Variants in COIL observed in about 807,000 individuals in gnomAD.
The protein encoded by COIL is coilin p80.
COIL carries 28 observed loss-of-function variants against 51.6 expected under a neutral mutation model. That is an observed-to-expected ratio of 0.54 (90% CI 0.40 to 0.74). The LOEUF (loss-of-function observed/expected upper bound fraction) is 0.74. COIL is among the 30% of genes least tolerant of loss of function. The pLI, the probability that COIL is intolerant of heterozygous loss-of-function variation, is 0.00. For synonymous variants in COIL, 233 were observed against 255.8 expected (o/e 0.91, Z 0.85); for missense variants, 667 against 685.9 (o/e 0.97, Z 0.31).
intron 1 of COIL, among the ~76,000 whole-genome samples, chr17:56,960,537 T>A (rs76073072): frequency 0.7 from 104,591 of 149,360 alleles, 37,457 homozygotes; most frequent in African/African-American, 0.86. Context: ...AAAAAAAAAA[T>A]AATAATAAAA....
At chr17:56,940,469 T>C (rs892123434) in intron 6 of COIL, among the ~76,000 whole-genome samples, 2 of 152,072 alleles carry the variant, frequency 1.3e-5, no homozygotes, top group Admixed American at 1.3e-4. Context: ...GAGAAAAGCC[T>C]CCAAGGTTTA....
chr17:56,945,499 C>T (rs1038248276), intron 5 of COIL, among the ~76,000 whole-genome samples: 8 of 152,142 alleles, frequency 5.3e-5, no homozygotes, highest in Non-Finnish European at 1.2e-4. Flanking sequence ...TGGGGTTCAT[C>T]AGAGATAAAT....
In COIL at chr17:56,938,806, T is replaced by C. The variant is rs1910090011; in HGVS notation, c.*265A>G. 1 of 278,482 alleles carries C rather than the reference T, an allele frequency of 3.6e-6. No homozygotes were observed. Among genetic ancestry groups the C allele is most frequent in the South Asian group, 9.7e-5 (1 of 10,330 alleles). The allele number at this position is 278,482 out of a possible 1,614,324, so 17.3% of individuals were successfully genotyped here. The stretch of plus-strand genomic sequence containing the variant: ...ACATTTAAAGAAAGAGAAGAAACCA[T>C]ACTGGTATACAACAATATCTGCAGG... On this transcript the variant is annotated 3_prime_UTR_variant, in exon 7 of 7. Transcript: ENST00000240316.
intron 1 of COIL, among the ~76,000 whole-genome samples, chr17:56,959,528 TTG>T (rs1041884279): frequency 6.6e-5 from 10 of 152,216 alleles, no homozygotes; most frequent in African/African-American, 2.4e-4. Flanking sequence ...TAAGATTATT[TTG>T]TGTTTCCCAA....
At chr17:56,953,736 G>A (rs1285611353) in intron 1 of COIL, among the ~76,000 whole-genome samples, 2 of 152,064 alleles carry the variant, frequency 1.3e-5, no homozygotes, top group Non-Finnish European at 2.9e-5. Flanking sequence ...TTACCTCAAT[G>A]CGGTAGTTGA....
chr17:56,939,480 T>C (rs546704995), intron 6 of COIL, among the ~76,000 whole-genome samples: 12 of 152,052 alleles, frequency 7.9e-5, no homozygotes, highest in African/African-American at 2.9e-4. Flanking sequence ...CCAGGCATGG[T>C]AGCTCACGCC....
chr17:56,956,668 C>A (rs1235860574), intron 1 of COIL, among the ~76,000 whole-genome samples: 1 of 151,798 alleles, frequency 6.6e-6, no homozygotes, highest in Admixed American at 6.6e-5. Flanking sequence ...CTCAACTCAC[C>A]GAAGCCTTTA....
At chr17:56,958,507 G>A (rs1349897791) in intron 1 of COIL, among the ~76,000 whole-genome samples, 6 of 152,216 alleles carry the variant, frequency 3.9e-5, no homozygotes, top group Non-Finnish European at 8.8e-5. Flanking sequence ...ACATGCAGCT[G>A]TGCATTTGAA....
intron 5 of COIL, among the ~76,000 whole-genome samples, chr17:56,944,204 C>A (rs1910201261): frequency 6.6e-6 from 1 of 152,106 alleles, no homozygotes; most frequent in Admixed American, 6.6e-5. Flanking sequence ...AAGCACTGAT[C>A]AGGCTGTATG....
chr17:56,960,962 T>C lies in COIL; in HGVS notation c.58A>G (p.Thr20Ala), dbSNP rs1302767680. Residue 20 changes from threonine to alanine, a missense_variant, in exon 1 of 7, where the codon ACC (threonine) becomes GCC (alanine). By Grantham distance (58) the Thr-to-Ala change is moderately conservative (BLOSUM62 0). Transcript: ENST00000240316. ...RLQFDYPPPA[T>A]PHCTAFWLLV... The stretch of plus-strand genomic sequence containing the variant: ...AGCCAGAAGGCCGTACAGTGCGGGG[T>C]AGCTGGCGGCGGGTAATCAAATTGA... 1 of 1,613,678 alleles carries C rather than the reference T, an allele frequency of 6.2e-7. No individual in the cohort carries two copies. Among genetic ancestry groups the C allele is most frequent in the Admixed American group, 1.7e-5 (1 of 59,990 alleles).
In COIL at chr17:56,949,931, C is replaced by T; in HGVS notation, c.1311G>A (p.Gln437=). 1 of 1,613,904 alleles carries T rather than the reference C, an allele frequency of 6.2e-7. No individual in the cohort carries two copies. Among genetic ancestry groups the T allele is most frequent in the South Asian group, 1.1e-5 (1 of 91,024 alleles). The change falls in exon 2 of 7, where the codon CAG becomes CAA. Residue 437 remains glutamine, a synonymous_variant. Coordinates refer to ENST00000240316, the MANE Select transcript of COIL (RefSeq NM_004645.3). Reference sequence around the variant, plus strand: ...AATTTTTTACCACGTCATTTAATTGCTGTTGCCTCTGGTTGTCAGTGCTTC... The same window carrying T: ...AATTTTTTACCACGTCATTTAATTGTTGTTGCCTCTGGTTGTCAGTGCTTC... ...VNRSTDNQRQ[Q]QLNDVVKNSS...
chr17:56,942,643 G>A (rs569824530), intron 5 of COIL, among the ~76,000 whole-genome samples: 2 of 152,222 alleles, frequency 1.3e-5, no homozygotes, highest in African/African-American at 4.8e-5. Context: ...AGCCTCCTGA[G>A]TAGCTGGGAT....
intron 5 of COIL, among the ~76,000 whole-genome samples, chr17:56,943,009 G>C (rs1337454948): frequency 2.0e-5 from 3 of 152,152 alleles, no homozygotes; most frequent in African/African-American, 7.2e-5. Context: ...TTGTACTTAT[G>C]AGTACACTGT....
At chr17:56,956,855 A>G (rs1910493585) in intron 1 of COIL, among the ~76,000 whole-genome samples, 1 of 152,038 alleles carries the variant, frequency 6.6e-6, no homozygotes, top group African/African-American at 2.4e-5. Flanking sequence ...TCAGCCTCCC[A>G]AAGTGCTGGA....
chr17:56,939,853 G>A (rs1173380867), intron 6 of COIL: 2 of 151,864 alleles, frequency 1.3e-5, no homozygotes, highest in African/African-American at 2.4e-5. Context: ...CAGGGGTTGC[G>A]GGAGGGAGTA....
chr17:56,946,371 G>C, intron 5 of COIL, 71 bp downstream of exon 5: 2 of 1,025,376 alleles, frequency 2.0e-6, no homozygotes, highest in Non-Finnish European at 3.0e-6. Flanking sequence ...AACATCTCCT[G>C]TGTATAAAAG....
intron 1 of COIL, among the ~76,000 whole-genome samples, chr17:56,956,886 G>A (rs949605718): frequency 3.3e-5 from 5 of 152,132 alleles, no homozygotes; most frequent in African/African-American, 9.7e-5. Context: ...GAGACATGGC[G>A]CCCAGCCTTC....
intron 6 of COIL, chr17:56,940,917 G>A (rs1417456512): frequency 2.6e-5 from 4 of 151,864 alleles, no homozygotes; most frequent in African/African-American, 9.7e-5. Context: ...TGCAGATCAC[G>A]AGGTCAGGAG....
intron 1 of COIL, among the ~76,000 whole-genome samples, chr17:56,959,435 T>G (rs1268277283): frequency 6.6e-6 from 1 of 152,218 alleles, no homozygotes; most frequent in African/African-American, 2.4e-5. Flanking sequence ...CTGTGGCAAC[T>G]CAACCACATT....
Sources: allele counts gnomAD v4.1 joint callset (sites outside exome capture counted in the v4.1 genomes callset), GRCh38; gene constraint gnomAD v4.1.1; transcripts MANE v1.5; gene names NCBI Gene and HGNC (gene_info 2026-07-23, HGNC 2026-07-21).